The following BAZ1A variants were observed in gnomAD, a reference collection of about 807,000 sequenced individuals.
BAZ1A encodes bromodomain adjacent to zinc finger domain 1A, also known as bromodomain adjacent to zinc finger domain protein 1A.
Under a neutral mutation model 185.2 loss-of-function variants are expected in BAZ1A, and 50 were observed. The observed-to-expected ratio is 0.27, with a 90% CI of 0.22 to 0.34. The LOEUF (loss-of-function observed/expected upper bound fraction) is 0.34. BAZ1A is among the 10% of genes least tolerant of loss of function. The probability of loss-of-function intolerance (pLI) is 1.00; values close to 1 mark genes in which losing one functional copy is unlikely to be tolerated. For missense variants in BAZ1A, 1,356 were observed against 1,839.9 expected (o/e 0.74, Z 4.81); for synonymous variants, 571 against 615.6 (o/e 0.93, Z 1.07).
chr14:34,759,855 A>C (rs1886448589), intron 24 of BAZ1A, among the ~76,000 whole-genome samples: 1 of 151,922 alleles, frequency 6.6e-6, no homozygotes, highest in Non-Finnish European at 1.5e-5. Context: ...TTGTATTTTT[A>C]GTAGAGATGG....
In BAZ1A at chr14:34,773,431, AATGG is replaced by A. The variant is rs1879362137; in HGVS notation, c.3152+137_3152+140del. 4.3e-6 allele frequency: 3 copies of A among 694,070 alleles called. No homozygotes were observed. In the African/African-American group the frequency reaches 5.6e-5, roughly 13 times the overall value. 43.0% of individuals were successfully genotyped at this position (694,070 alleles called of 1,614,324 possible). A position where few individuals can be genotyped will look rare whatever the true frequency, so the allele number is the denominator to read the frequency against. On this transcript the variant is annotated intron_variant, in intron 20 of 26. Coordinates refer to ENST00000360310, the MANE Select transcript of BAZ1A (RefSeq NM_013448.3). ...CTGAGGTTTAGAAAATGATCAGTCC[AATGG>A]TTACAAATATCAAGGTCCTCACGAC...
At chr14:34,861,912 C>CT in intron 3 of BAZ1A, 132 bp downstream of exon 3, 1 of 1,015,142 alleles carries the variant, frequency 9.9e-7, no homozygotes, top group Middle Eastern at 3.2e-4. Context: ...AACACCGGGG[C>CT]TATCTGTGGG....
At chr14:34,835,548 T>A (rs1286251455) in intron 3 of BAZ1A, among the ~76,000 whole-genome samples, 1 of 151,920 alleles carries the variant, frequency 6.6e-6, no homozygotes, top group Non-Finnish European at 1.5e-5. Flanking sequence ...CGAGGCTCCT[T>A]AAAGTACTAA....
rs1235963376 is a variant in BAZ1A at position 34,753,607 on chromosome 14, T to C, written c.4572A>G (p.Ala1524=). 2 of 1,613,952 alleles carry C rather than the reference T, an allele frequency of 1.2e-6. No individual in the cohort carries two copies. The highest frequency in any genetic ancestry group is 1.7e-6 in the Non-Finnish European group (2 of 1,179,982). The change falls in exon 27 of 27, where the codon GCA becomes GCG. Residue 1524 remains alanine (A), a synonymous_variant. Transcript: ENST00000360310. ...SEAKAGTRLQ[A]FFHIQAQKLG... ...GCTTTTGAGCCTGAATATGAAAAAA[T>C]GCTTGAAGCCTAGTTCCAGCTTTTG...
chr14:34,791,508 C>G (rs1463666530), intron 12 of BAZ1A, among the ~76,000 whole-genome samples: 1 of 152,156 alleles, frequency 6.6e-6, no homozygotes, highest in Non-Finnish European at 1.5e-5. Flanking sequence ...TATATTTTTG[C>G]TTGAACTCAG....
intron 9 of BAZ1A, among the ~76,000 whole-genome samples, chr14:34,797,885 G>A (rs1312246251): frequency 6.6e-6 from 1 of 152,254 alleles, no homozygotes; most frequent in African/African-American, 2.4e-5. Context: ...CACCCGGGAA[G>A]TGCAAGGGGT....
At position 34,874,764 on chromosome 14, in the gene BAZ1A, G is replaced by C; in HGVS notation, c.-58-102C>G. On this transcript the variant is annotated intron_variant, in intron 1 of 26. Coordinates refer to ENST00000360310, the MANE Select transcript of BAZ1A (RefSeq NM_013448.3). The surrounding 1 kb of genome is among the most constrained non-coding windows in gnomAD (Gnocchi z 4.7). ...GGAGAAGCTCGGCTGCCTTTTGTGT[G>C]ACTGACGCGCCGCGGCCGCTACCGG... The C allele has an allele frequency of 1.8e-6, 1 of 550,084 alleles. No individual in the cohort carries two copies. The allele number at this position is 550,084 out of a possible 1,614,324, so 34.1% of individuals were successfully genotyped here.
At chr14:34,764,382 T>C (rs1236088415) in intron 23 of BAZ1A, among the ~76,000 whole-genome samples, 3 of 140,106 alleles carry the variant, frequency 2.1e-5, no homozygotes, top group Non-Finnish European at 4.5e-5. Flanking sequence ...CAACCTCCGC[T>C]CCCGGGTTCA....
rs867509502 is a variant in BAZ1A at position 34,780,299 on chromosome 14, C to T, written c.2123G>A (p.Arg708Lys). 9.3e-6 allele frequency: 15 copies of T among 1,610,714 alleles called. No homozygotes were observed. The highest frequency in any genetic ancestry group is 1.2e-5 in the Non-Finnish European group (14 of 1,178,804). Residue 708 changes from arginine to lysine, a missense_variant, in exon 17 of 27, where the codon AGG becomes AAG. By Grantham distance (26) the Arg-to-Lys change is conservative (BLOSUM62 2). This residue lies in a region of BAZ1A where 434 missense variants were observed against 561.7 expected (regional missense o/e 0.77). Coordinates refer to ENST00000360310, the MANE Select transcript of BAZ1A (RefSeq NM_013448.3). ...CTCAATGCTAGTATCAAAATCTTCC[C>T]TTTCTTCCTCCCTTTAGGATAAAAA... is the stretch of plus-strand genomic sequence containing the variant. Reference protein sequence around the residue: ...TADISIGEEEREDFDTSIESK... With the variant: ...TADISIGEEEKEDFDTSIESK...
intron 3 of BAZ1A, among the ~76,000 whole-genome samples, chr14:34,829,647 G>T (rs1476564443): frequency 6.6e-5 from 10 of 152,084 alleles, no homozygotes; most frequent in Admixed American, 2.0e-4. Context: ...TCCCAAGAAA[G>T]TCACAATAAT....
chr14:34,800,531 CA>C (rs1881458892), intron 8 of BAZ1A, 141 bp from the exon 9 acceptor site: 1 of 647,276 alleles, frequency 1.5e-6, no homozygotes. Context: ...TACAGGGAGC[CA>C]GCAGATTATT....
At chr14:34,763,521 A>C in intron 23 of BAZ1A, among the ~76,000 whole-genome samples, 1 of 151,128 alleles carries the variant, frequency 6.6e-6, no homozygotes, top group Non-Finnish European at 1.5e-5. Flanking sequence ...CTGACAGAAA[A>C]CCCCCAGTAG....
At chr14:34,844,775 GCGCACACACACA>G (rs147486744) in intron 3 of BAZ1A, among the ~76,000 whole-genome samples, 40,832 of 135,456 alleles carry the variant, frequency 0.3, 6,061 homozygotes, top group Non-Finnish European at 0.38. Flanking sequence ...ACACACACAC[GCGCACACACACA>G]CACACACACA....
intron 4 of BAZ1A, among the ~76,000 whole-genome samples, chr14:34,820,758 G>C (rs1238070665): frequency 1.1e-5 from 1 of 88,482 alleles, no homozygotes; most frequent in Non-Finnish European, 2.8e-5. Flanking sequence ...TCTATGTCTA[G>C]ATTTTTTTTT....
At chr14:34,870,641 A>G (rs2042935849) in intron 2 of BAZ1A, among the ~76,000 whole-genome samples, 1 of 152,218 alleles carries the variant, frequency 6.6e-6, no homozygotes, top group African/African-American at 2.4e-5. Flanking sequence ...ATTCCAGGCA[A>G]TGCCCCTATT....
chr14:34,825,309 C>T (rs138854396), intron 4 of BAZ1A, among the ~76,000 whole-genome samples: 11 of 151,692 alleles, frequency 7.3e-5, no homozygotes, highest in African/African-American at 9.7e-5. Context: ...CAAAATTAGC[C>T]GGGCGTGGTG....
At chr14:34,865,386 C>T (rs780182381) in intron 2 of BAZ1A, among the ~76,000 whole-genome samples, 2 of 152,062 alleles carry the variant, frequency 1.3e-5, no homozygotes, top group African/African-American at 2.4e-5. Context: ...CCATATAATT[C>T]ATTATTCTTC....
Position 34,762,003 on chromosome 14 carries a change from T to G in BAZ1A, c.3997A>C (p.Ser1333Arg). 8 of 1,614,238 alleles carry G rather than the reference T, an allele frequency of 5.0e-6. No individual in the cohort carries two copies. The highest frequency in any genetic ancestry group is 4.5e-5 in the East Asian group (2 of 44,888). The change falls in exon 24 of 27, where the codon AGT (serine) becomes CGT (arginine). Residue 1333 changes from serine to arginine, a missense_variant. Physicochemically the swap from Ser to Arg is moderately radical, Grantham distance 110. This residue lies in a region of BAZ1A where 309 missense variants were observed against 355.3 expected (regional missense o/e 0.87). Transcript: ENST00000360310. ...CCATGACTGTGGCGAGTAGAACGACTGGCAATTCTTAAAGATTTTGTTTCT... is the reference window on the plus strand; with the variant it reads ...CCATGACTGTGGCGAGTAGAACGACGGGCAATTCTTAAAGATTTTGTTTCT... The part of the protein sequence containing the change: ...PTETKSLRIA[S>R]RSTRHSHGPL...
At chr14:34,832,093 C>A (rs966277138) in intron 3 of BAZ1A, among the ~76,000 whole-genome samples, 4 of 150,892 alleles carry the variant, frequency 2.7e-5, no homozygotes, top group Non-Finnish European at 5.9e-5. Context: ...ACTCAGGAGG[C>A]TAAGGTTGGA....
Sources: gnomAD v4.1 joint callset for allele counts (sites outside exome capture counted in the v4.1 genomes callset) on GRCh38, gnomAD v4.1.1 for gene constraint, gnomAD v4.1.1 regional missense constraint, Gnocchi (gnomAD v3.1) non-coding constraint, MANE v1.5 for transcripts, NCBI Gene and HGNC (gene_info 2026-07-23, HGNC 2026-07-21) for gene names.